The following DENND4A variants were observed in gnomAD, a reference collection of about 807,000 sequenced individuals.
DENND4A encodes the protein C-myc promoter-binding protein.
In DENND4A, 70 loss-of-function variants were observed where a neutral mutation model predicts 199.3. The observed-to-expected ratio is 0.35, with a 90% CI of 0.29 to 0.43. DENND4A has a LOEUF of 0.43. Among genes scored for constraint, DENND4A ranks in the 20% least tolerant of loss-of-function variants. The pLI is 1.00. For missense variants in DENND4A, 1,723 were observed against 2,255.8 expected (o/e 0.76, Z 4.78); for synonymous variants, 686 against 766.9 (o/e 0.89, Z 1.74).
At chr15:65,708,655 C>A (rs969315175) in intron 14 of DENND4A, among the ~76,000 whole-genome samples, 1 of 150,854 alleles carries the variant, frequency 6.6e-6, no homozygotes, top group Non-Finnish European at 1.5e-5. Flanking sequence ...ATCCAACACC[C>A]ACAGCAGGAT....
At chr15:65,762,705 A>G (rs577648218) in intron 1 of DENND4A, among the ~76,000 whole-genome samples, 2 of 152,308 alleles carry the variant, frequency 1.3e-5, no homozygotes, top group African/African-American at 4.8e-5. Context: ...AACTTTATAT[A>G]GCATTTAATT....
At chr15:65,721,713 G>A (rs1033710488) in intron 12 of DENND4A, among the ~76,000 whole-genome samples, 6 of 151,456 alleles carry the variant, frequency 4.0e-5, no homozygotes, top group African/African-American at 9.7e-5. Flanking sequence ...TGGTCCTCCC[G>A]CGTGGTCCTC....
intron 15 of DENND4A, among the ~76,000 whole-genome samples, chr15:65,705,559 A>C (rs2075020589): frequency 6.6e-6 from 1 of 152,198 alleles, no homozygotes; most frequent in African/African-American, 2.4e-5. Context: ...GTGTCTAACC[A>C]AATTCCCTAA....
In DENND4A at chr15:65,660,195, T is replaced by C. The variant is rs1250597155; in HGVS notation, c.*1656A>G. ...CAAAGGAGAGGCAGATATATGTGCCTAGCACCAGATTTTTCAAGTAAGCAA... is the reference window on the plus strand; with the variant it reads ...CAAAGGAGAGGCAGATATATGTGCCCAGCACCAGATTTTTCAAGTAAGCAA... On this transcript the variant is annotated 3_prime_UTR_variant, in exon 33 of 33. Coordinates refer to ENST00000443035, the MANE Select transcript of DENND4A (RefSeq NM_001320835.1). 77 of 952,860 alleles carry C rather than the reference T, an allele frequency of 8.1e-5. No homozygotes were observed. In the Admixed American group the frequency reaches 1.4e-3, roughly 18 times the overall value. The allele number at this position is 952,860 out of a possible 1,614,324, so 59.0% of individuals were successfully genotyped here.
chr15:65,687,867 G>A (rs2076844247), intron 23 of DENND4A, among the ~76,000 whole-genome samples: 1 of 152,176 alleles, frequency 6.6e-6, no homozygotes. Context: ...GTGTGCAAGT[G>A]TGGTTTTGAG....
chr15:65,701,435 C>G (rs1026175647), intron 18 of DENND4A, among the ~76,000 whole-genome samples: 4 of 151,996 alleles, frequency 2.6e-5, no homozygotes, highest in African/African-American at 9.7e-5. Flanking sequence ...GGCATGGTGG[C>G]ACATGCCTGT....
chr15:65,662,357 T>G (rs1171223499), intron 32 of DENND4A, among the ~76,000 whole-genome samples: 1 of 152,246 alleles, frequency 6.6e-6, no homozygotes, highest in Non-Finnish European at 1.5e-5. Context: ...TGGTTTCATT[T>G]TTTAAATTTA....
chr15:65,665,693 A>G (rs1157235537), intron 29 of DENND4A, among the ~76,000 whole-genome samples: 1 of 152,212 alleles, frequency 6.6e-6, no homozygotes. Context: ...TCCGTGAGAA[A>G]GGGTACCAAG....
Position 65,661,783 on chromosome 15 carries a change from G to C in DENND4A, c.*68C>G. 7.5e-7 allele frequency: 1 copy of C among 1,334,312 alleles called. No individual in the cohort carries two copies. Among genetic ancestry groups the C allele is most frequent in the Non-Finnish European group, 1.0e-6 (1 of 993,888 alleles). The allele number at this position is 1,334,312 out of a possible 1,614,324, so 82.7% of individuals were successfully genotyped here. On this transcript the variant is annotated 3_prime_UTR_variant, in exon 33 of 33. Coordinates refer to ENST00000443035, the MANE Select transcript of DENND4A (RefSeq NM_001320835.1). ...AAAAATTGAAGAAAAAATATTTAGAGTCTAAAAGTGTTATTTTATACACTG... is the reference window on the plus strand; with the variant it reads ...AAAAATTGAAGAAAAAATATTTAGACTCTAAAAGTGTTATTTTATACACTG...
chr15:65,685,415 C>T (rs57175222), intron 23 of DENND4A, among the ~76,000 whole-genome samples: 124 of 152,270 alleles, frequency 8.1e-4, no homozygotes, highest in African/African-American at 2.8e-3. Flanking sequence ...CGTGAGCCAC[C>T]GCCAGCCCAC....
rs151044840 is a variant in DENND4A, at chr15:65,765,501, G to A, written c.-101-4063C>T. On this transcript the variant is annotated intron_variant, in intron 1 of 32. Coordinates refer to ENST00000443035, the MANE Select transcript of DENND4A (RefSeq NM_001320835.1). ...AGAGAGCTGGTATACCTTTCACCCCGTTTTCTTCAAATGGTAACATCTTGC... is the reference window on the plus strand; with the variant it reads ...AGAGAGCTGGTATACCTTTCACCCCATTTTCTTCAAATGGTAACATCTTGC... Among the ~76,000 whole-genome samples the A allele has an allele frequency of 4.5e-4, 68 of 152,228 alleles. No individual in the cohort carries two copies. The East Asian group carries it at 0.012, about 27-fold the overall frequency.
At chr15:65,673,828 G>A (rs1344165028) in intron 24 of DENND4A, among the ~76,000 whole-genome samples, 1 of 152,040 alleles carries the variant, frequency 6.6e-6, no homozygotes, top group Non-Finnish European at 1.5e-5. Flanking sequence ...GTTCAAAATT[G>A]CTTCCCCAAA....
intron 14 of DENND4A, among the ~76,000 whole-genome samples, chr15:65,713,283 T>C (rs2075300622): frequency 6.6e-6 from 1 of 152,222 alleles, no homozygotes; most frequent in Non-Finnish European, 1.5e-5. Context: ...GATTACAGAA[T>C]AAGTATTTTG....
At chr15:65,706,829 A>G (rs2075079099) in intron 14 of DENND4A, among the ~76,000 whole-genome samples, 1 of 152,190 alleles carries the variant, frequency 6.6e-6, no homozygotes, top group Admixed American at 6.5e-5. Flanking sequence ...AAGAAATACT[A>G]GAAGGATACT....
chr15:65,729,272 G>C, intron 10 of DENND4A, 25 bp from the exon 11 acceptor site: 1 of 1,555,990 alleles, frequency 6.4e-7, no homozygotes, highest in Non-Finnish European at 8.7e-7. Flanking sequence ...AGATAGGAGA[G>C]AATTTAGCTT....
chr15:65,726,128 A>G (rs1242157698), intron 11 of DENND4A: 1 of 152,224 alleles, frequency 6.6e-6, no homozygotes, highest in African/African-American at 2.4e-5. Flanking sequence ...AATAGTAAGT[A>G]GGAAGACAAA....
chr15:65,667,957 C>T lies in DENND4A; in HGVS notation c.4954G>A (p.Gly1652Ser), dbSNP rs2076095383. ...DTGRQKLISTGSLPATLQGAT... is the reference protein window; with the variant it reads ...DTGRQKLISTSSLPATLQGAT... ...CCTTGTAAAGTAGCTGGCAGGCTGC[C>T]TGTAGAAATGAGCTTCTGTCTTCCA... Residue 1652 changes from glycine (G) to serine (S), a missense_variant, in exon 28 of 33, where the codon GGC becomes AGC. By Grantham distance (56) the Gly-to-Ser change is moderately conservative (BLOSUM62 0). Transcript: ENST00000443035. The T allele has an allele frequency of 3.7e-6, 6 of 1,609,898 alleles. No individual in the cohort carries two copies. Among genetic ancestry groups the T allele is most frequent in the Non-Finnish European group, 5.1e-6 (6 of 1,179,020 alleles).
At chr15:65,724,367 C>CT (rs1483373728) in intron 11 of DENND4A, among the ~76,000 whole-genome samples, 4 of 137,956 alleles carry the variant, frequency 2.9e-5, no homozygotes, top group Admixed American at 7.2e-5. Context: ...GCTGACTCTA[C>CT]TTTTTTTTGA....
At chr15:65,733,389 T>C (rs1358227362) in intron 7 of DENND4A, among the ~76,000 whole-genome samples, 1 of 152,148 alleles carries the variant, frequency 6.6e-6, no homozygotes, top group Non-Finnish European at 1.5e-5. Context: ...GTGAAAAATC[T>C]TTCCTAGGGG....
Sources: gnomAD v4.1 joint callset for allele counts (sites outside exome capture counted in the v4.1 genomes callset) on GRCh38, gnomAD v4.1.1 for gene constraint, MANE v1.5 for transcripts, NCBI Gene and HGNC (gene_info 2026-07-23, HGNC 2026-07-21) for gene names.